Variants in SLC18A1 observed in about 807,000 individuals in gnomAD.
SLC18A1 encodes solute carrier family 18 member A1.
Under a neutral mutation model 53.7 loss-of-function variants are expected in SLC18A1, and 69 were observed. That is an observed-to-expected ratio of 1.28 (90% CI 1.06 to 1.57). The LOEUF is 1.57. SLC18A1 is among the 40% of genes most tolerant of loss of function. The pLI is 0.00. For synonymous variants in SLC18A1, 320 were observed against 248.1 expected (o/e 1.29, Z -2.72); for missense variants, 932 against 668.1 (o/e 1.40, Z -4.35).
At chr8:20,174,274 C>G (rs2072199864) in intron 5 of SLC18A1, 87 bp downstream of exon 5, 2 of 993,294 alleles carry the variant, frequency 2.0e-6, no homozygotes, top group Non-Finnish European at 3.2e-6. Context: ...CTTAATTTCT[C>G]CATGTAAATA....
chr8:20,159,634 CAAAAAAA>C (rs200123466), intron 10 of SLC18A1, among the ~76,000 whole-genome samples: 13 of 81,506 alleles, frequency 1.6e-4, no homozygotes, highest in African/African-American at 3.9e-4. Flanking sequence ...TTGCAGCTGC[CAAAAAAA>C]AAAAAAAAAA....
Position 20,179,360 on chromosome 8 carries a change from G to C in SLC18A1, c.249C>G (p.Ser83=). The C allele has an allele frequency of 6.2e-7, 1 of 1,614,224 alleles. No homozygotes were observed. The highest frequency in any genetic ancestry group is 1.1e-5 in the South Asian group (1 of 91,086). ...LASPAFSTIF[S]FFNNNTVAVE... is the part of the protein sequence containing the mutation. ...CAGCCACGGTGTTGTTGTTGAAGAA[G>C]GAGAAGATGGTGGAAAAGGCAGGAG... is the stretch of plus-strand genomic sequence containing the variant. The change falls in exon 3 of 16, where the codon TCC becomes TCG. Residue 83 remains serine, a synonymous_variant. Transcript: ENST00000276373.
Position 20,173,091 on chromosome 8 carries a change from ATGG to A in SLC18A1, c.666_668del (p.His223del). 6.3e-7 allele frequency: 1 copy of A among 1,581,224 alleles called. No homozygotes were observed. The highest frequency in any genetic ancestry group is 8.6e-7 in the Non-Finnish European group (1 of 1,164,534). On this transcript the variant is annotated inframe_deletion, in exon 6 of 16. Coordinates refer to ENST00000276373, the MANE Select transcript of SLC18A1 (RefSeq NM_003053.4). Reference sequence around the variant, plus strand: ...CAGTTCCCATGGCTCGTCCTCTCTCATGGTCATCAGTGTAGACACTGGCCAGCA... The same window carrying A: ...CAGTTCCCATGGCTCGTCCTCTCTCATCATCAGTGTAGACACTGGCCAGCA...
At chr8:20,147,522 A>G in intron 14 of SLC18A1, 81 bp downstream of exon 14, 3 of 1,597,960 alleles carry the variant, frequency 1.9e-6, no homozygotes, top group Non-Finnish European at 2.6e-6. Context: ...CCAGAACCCT[A>G]GGAGGATAGC....
intron 14 of SLC18A1, 79 bp from the exon 15 acceptor site, chr8:20,147,470 G>A (rs1199102203): frequency 2.5e-6 from 4 of 1,574,232 alleles, no homozygotes; most frequent in Non-Finnish European, 2.6e-6. Flanking sequence ...ACTATGCTAG[G>A]GGCAGTGGGT....
chr8:20,173,316 T>C (rs773327353), intron 5 of SLC18A1, among the ~76,000 whole-genome samples, 188 bp from the exon 6 acceptor site: 1 of 152,174 alleles, frequency 6.6e-6, no homozygotes, highest in Admixed American at 6.5e-5. Flanking sequence ...AGCCCCCACA[T>C]TGTCCACTCC....
Position 20,171,484 on chromosome 8 carries a change from G to A in SLC18A1, c.735C>T (p.Pro245=), listed in dbSNP as rs148158023. 2.0e-5 allele frequency: 32 copies of A among 1,613,868 alleles called. No homozygotes were observed. In the African/African-American group the frequency reaches 4.1e-4, roughly 21 times the overall value. ...CAAACTCGTACATTACACTTCCAAA[G>A]GGAGCTCCCACTGGAGAGGCATAGG... The part of the protein sequence containing the change: ...GLALGLLVGA[P]FGSVMYEFVG... Residue 245 remains proline, a synonymous_variant, in exon 7 of 16, where the codon CCC becomes CCT. Coordinates refer to ENST00000276373, the MANE Select transcript of SLC18A1 (RefSeq NM_003053.4).
At position 20,179,225 on chromosome 8, in the gene SLC18A1, G is replaced by A; in HGVS notation, c.384C>T (p.Gly128=). The change falls in exon 3 of 16, where the codon GGC becomes GGT. Residue 128 remains glycine (G), a synonymous_variant. Transcript: ENST00000276373. The part of the protein sequence containing the change: ...ISAHKNNCLQ[G]TGFLEEEITR... The stretch of plus-strand genomic sequence containing the variant: ...TAATCTCTTCCTCCAAGAAACCTGT[G>A]CCTTGCAAGCAGTTGTTTTTATGAG... 1 of 1,614,186 alleles carries A rather than the reference G, an allele frequency of 6.2e-7. No individual in the cohort carries two copies. Among genetic ancestry groups the A allele is most frequent in the Non-Finnish European group, 8.5e-7 (1 of 1,180,042 alleles).
At chr8:20,175,490 T>C (rs1352453554) in intron 4 of SLC18A1, 6 of 152,224 alleles carry the variant, frequency 3.9e-5, no homozygotes, top group African/African-American at 1.4e-4. Flanking sequence ...AAGACAAGTG[T>C]GAGAAATTAT....
chr8:20,164,284 G>A (rs1013930077), intron 10 of SLC18A1, among the ~76,000 whole-genome samples: 2 of 151,966 alleles, frequency 1.3e-5, no homozygotes, highest in Non-Finnish European at 2.9e-5. Flanking sequence ...AAAGGAAGCT[G>A]GAACCCTCTC....
At chr8:20,151,277 A>G (rs1471110270) in intron 10 of SLC18A1, among the ~76,000 whole-genome samples, 1 of 151,560 alleles carries the variant, frequency 6.6e-6, no homozygotes, top group African/African-American at 2.4e-5. Context: ...GTGAGCCCCC[A>G]CACCTGGCCT....
At chr8:20,163,788 C>T (rs995588197) in intron 10 of SLC18A1, among the ~76,000 whole-genome samples, 3 of 152,106 alleles carry the variant, frequency 2.0e-5, no homozygotes, top group African/African-American at 7.2e-5. Context: ...GACCAGATAG[C>T]ATTGAGAAAG....
At chr8:20,163,359 G>T (rs750597811) in intron 10 of SLC18A1, among the ~76,000 whole-genome samples, 1 of 152,066 alleles carries the variant, frequency 6.6e-6, no homozygotes, top group Non-Finnish European at 1.5e-5. Flanking sequence ...TAAATTTTGG[G>T]GGACACATTC....
At chr8:20,168,513 G>A (rs2072030039) in intron 8 of SLC18A1, among the ~76,000 whole-genome samples, 1 of 151,878 alleles carries the variant, frequency 6.6e-6, no homozygotes, top group South Asian at 2.1e-4. Context: ...ATACCTATTT[G>A]GTATAAATAT....
chr8:20,159,540 AC>A (rs771602532), intron 10 of SLC18A1, among the ~76,000 whole-genome samples: 4 of 145,834 alleles, frequency 2.7e-5, no homozygotes, highest in Non-Finnish European at 6.0e-5. Context: ...CGGGATATAA[AC>A]CCCAGGCATT....
chr8:20,157,074 C>T lies in SLC18A1; in HGVS notation c.1016-6330G>A, dbSNP rs182171112. Among the ~76,000 whole-genome samples the T allele has an allele frequency of 2.0e-5, 3 of 152,250 alleles. No individual in the cohort carries two copies. The East Asian group carries it at 5.8e-4, about 29-fold the overall frequency. ...CGGTGAGCGTAACTAATCCGGTAAG[C>T]AGATGTCCCTGGGTGGTTACACACC... On this transcript the variant is annotated intron_variant, in intron 10 of 15. Transcript: ENST00000276373.
chr8:20,180,615 C>G (rs558315522), intron 2 of SLC18A1, among the ~76,000 whole-genome samples: 48 of 152,216 alleles, frequency 3.2e-4, no homozygotes, highest in Middle Eastern at 3.2e-3. Flanking sequence ...CAGACCCTCT[C>G]TGGACCTCCT....
At chr8:20,173,156 G>GC in intron 5 of SLC18A1, 28 bp from the exon 6 acceptor site, 1 of 1,528,972 alleles carries the variant, frequency 6.5e-7, no homozygotes, top group Non-Finnish European at 8.9e-7. Context: ...GATGCAGCTG[G>GC]CCCCCTGGGG....
intron 15 of SLC18A1, among the ~76,000 whole-genome samples, chr8:20,146,674 A>G (rs1302786011): frequency 2.0e-5 from 3 of 152,262 alleles, no homozygotes; most frequent in Non-Finnish European, 2.9e-5. Context: ...AATACAAAAA[A>G]TTAGCCAGAC....
Sources: gnomAD v4.1 joint callset for allele counts (sites outside exome capture counted in the v4.1 genomes callset) on GRCh38, gnomAD v4.1.1 for gene constraint, MANE v1.5 for transcripts, NCBI Gene and HGNC (gene_info 2026-07-23, HGNC 2026-07-21) for gene names.